Variants in RNF150 observed in about 807,000 individuals in gnomAD.
RNF150 encodes ring finger protein 150.
In RNF150, 24 loss-of-function variants were observed where a neutral mutation model predicts 39.3. That is an observed-to-expected ratio of 0.61 (90% CI 0.44 to 0.86). The LOEUF is 0.86. Ranked by LOEUF, RNF150 falls within the 40% of genes least tolerant of loss-of-function variation. RNF150 has a pLI of 0.00. For missense variants in RNF150, 502 were observed against 587.8 expected (o/e 0.85, Z 1.51); for synonymous variants, 255 against 227.3 (o/e 1.12, Z -1.10).
At chr4:141,049,263 C>T (rs1405743539) in intron 1 of RNF150, among the ~76,000 whole-genome samples, 7 of 135,058 alleles carry the variant, frequency 5.2e-5, no homozygotes. Context: ...CATTTGCCAA[C>T]AAAATAAAAA....
chr4:141,151,948 T>C (rs1007933815), intron 1 of RNF150, among the ~76,000 whole-genome samples: 1 of 152,180 alleles, frequency 6.6e-6, no homozygotes, highest in South Asian at 2.1e-4. Flanking sequence ...TATTTAATTT[T>C]TGGAAAAATT....
chr4:141,148,336 A>G (rs889664846), intron 1 of RNF150, among the ~76,000 whole-genome samples: 1 of 152,234 alleles, frequency 6.6e-6, no homozygotes, highest in African/African-American at 2.4e-5. Flanking sequence ...GAAAACTCTC[A>G]TGTAAGCATT....
rs1489340063 is a variant in RNF150, at chr4:140,861,634, T to A, written c.*6627A>T. The A allele has an allele frequency of 1.3e-5, 2 of 152,242 alleles. No homozygotes were observed. Among genetic ancestry groups the A allele is most frequent in the African/African-American group, 4.8e-5 (2 of 41,470 alleles). The allele number at this position is 152,242 out of a possible 1,614,324, so 9.4% of individuals were successfully genotyped here. ...ATTCAGACCGAAAAGTCCATGTATG[T>A]GTTAGTTCTTCAACTGCTCTACTAT... On this transcript the variant is annotated 3_prime_UTR_variant, in exon 7 of 7. Transcript: ENST00000515673.
At chr4:141,127,293 G>T (rs1274571545) in intron 1 of RNF150, among the ~76,000 whole-genome samples, 4 of 152,164 alleles carry the variant, frequency 2.6e-5, no homozygotes, top group African/African-American at 7.2e-5. Flanking sequence ...CTTAGAACAT[G>T]CCTGGCACAG....
At chr4:140,967,342 A>C (rs1733284538) in intron 2 of RNF150, among the ~76,000 whole-genome samples, 1 of 152,128 alleles carries the variant, frequency 6.6e-6, no homozygotes, top group African/African-American at 2.4e-5. Context: ...TCACACTATT[A>C]GCACTTCCTT....
chr4:140,874,345 G>C (rs997729503), intron 6 of RNF150, among the ~76,000 whole-genome samples: 16 of 152,060 alleles, frequency 1.1e-4, no homozygotes, highest in African/African-American at 3.9e-4. Flanking sequence ...GGTATATCCA[G>C]GGCCTTTATC....
At position 140,936,234 on chromosome 4, in the gene RNF150, C is replaced by G. The variant is rs1013793515; in HGVS notation, c.891-10161G>C. On this transcript the variant is annotated intron_variant, in intron 4 of 6. Coordinates refer to ENST00000515673, the MANE Select transcript of RNF150 (RefSeq NM_020724.2). ...TTTTTGGCTATTATGGCTAAATGTG[C>G]TATGGCCACTCTTGCATCAGTCTTT... 2.6e-5 allele frequency among the ~76,000 whole-genome samples: 4 copies of G among 152,108 alleles called. No individual in the cohort carries two copies. The South Asian group carries it at 6.2e-4, about 24-fold the overall frequency.
chr4:141,193,868 A>G (rs1431312753), intron 1 of RNF150, among the ~76,000 whole-genome samples: 1 of 152,148 alleles, frequency 6.6e-6, no homozygotes, highest in Admixed American at 6.5e-5. Context: ...CCAATTTCCC[A>G]CTACTGTTTA....
chr4:141,026,574 T>C (rs1479486233), intron 1 of RNF150, among the ~76,000 whole-genome samples: 1 of 152,194 alleles, frequency 6.6e-6, no homozygotes, highest in East Asian at 1.9e-4. Flanking sequence ...AGGTAAATAC[T>C]AGGATGAACA....
At position 141,103,083 on chromosome 4, in the gene RNF150, G is replaced by A. The variant is rs574268200; in HGVS notation, c.484+29242C>T. On this transcript the variant is annotated intron_variant, in intron 1 of 6. Transcript: ENST00000515673. ...GGAAATGAAAGCATAGCCTCTCCCC[G>A]TAACTGTGTAGGCTCCATCAGTTGT... is the stretch of plus-strand genomic sequence containing the variant. Among the ~76,000 whole-genome samples the A allele has an allele frequency of 4.6e-5, 7 of 152,224 alleles. No homozygotes were observed. The South Asian group carries it at 6.2e-4, about 14-fold the overall frequency.
chr4:141,212,780 T>A (rs889158443), intron 1 of RNF150: 1 of 152,606 alleles, frequency 6.6e-6, no homozygotes, highest in African/African-American at 2.4e-5. Flanking sequence ...AGAAAAGAGG[T>A]TTAATTGACT....
intron 1 of RNF150, among the ~76,000 whole-genome samples, chr4:141,010,669 A>G (rs1735042597): frequency 1.3e-5 from 2 of 152,054 alleles, no homozygotes; most frequent in Non-Finnish European, 2.9e-5. Context: ...GGACTGCGTG[A>G]GCATGTGTGG....
At chr4:140,881,714 A>C (rs563865245) in intron 6 of RNF150, among the ~76,000 whole-genome samples, 1 of 152,074 alleles carries the variant, frequency 6.6e-6, no homozygotes, top group South Asian at 2.1e-4. Context: ...GTCTCTATGA[A>C]AAACCAAACA....
chr4:140,955,489 T>C (rs1432570273), intron 2 of RNF150, among the ~76,000 whole-genome samples: 1 of 152,192 alleles, frequency 6.6e-6, no homozygotes, highest in Non-Finnish European at 1.5e-5. Context: ...ATTAATAACA[T>C]AAGGTATGTA....
At chr4:141,201,719 C>T (rs578247013) in intron 1 of RNF150, among the ~76,000 whole-genome samples, 1 of 152,076 alleles carries the variant, frequency 6.6e-6, no homozygotes, top group African/African-American at 2.4e-5. Context: ...TCTTTCTCAT[C>T]CTTTCTATAT....
intron 1 of RNF150, among the ~76,000 whole-genome samples, chr4:141,084,856 C>T (rs1273102724): frequency 2.0e-5 from 3 of 152,198 alleles, no homozygotes; most frequent in South Asian, 2.1e-4. Flanking sequence ...GTGACAAAGA[C>T]ATTCTTCCCA....
chr4:141,146,581 A>T (rs1313557317), intron 1 of RNF150, among the ~76,000 whole-genome samples: 1 of 3,610 alleles, frequency 2.8e-4, no homozygotes, highest in Admixed American at 7.2e-3. Context: ...TATCAGCAAT[A>T]TGTCTCAGAA....
Position 140,860,144 on chromosome 4 carries a change from T to A in RNF150, c.*8117A>T, listed in dbSNP as rs1301198194. 2 of 151,918 alleles carry A rather than the reference T, an allele frequency of 1.3e-5. No individual in the cohort carries two copies. The highest frequency in any genetic ancestry group is 3.8e-4 in the East Asian group (2 of 5,198). 9.4% of individuals were successfully genotyped at this position (151,918 alleles called of 1,614,324 possible). ...TCCTTTAAAGACAGTTACTTTTTTT[T>A]TTTTTTCAATTTCTTTGTATTTCAA... On this transcript the variant is annotated 3_prime_UTR_variant, in exon 7 of 7. Coordinates refer to ENST00000515673, the MANE Select transcript of RNF150 (RefSeq NM_020724.2).
At chr4:141,036,755 T>C (rs183580783) in intron 1 of RNF150, among the ~76,000 whole-genome samples, 1 of 152,268 alleles carries the variant, frequency 6.6e-6, no homozygotes, top group Admixed American at 6.5e-5. Context: ...TATGTAAAAA[T>C]TGTTGATATA....
Sources: allele counts gnomAD v4.1 joint callset (sites outside exome capture counted in the v4.1 genomes callset), GRCh38; gene constraint gnomAD v4.1.1; transcripts MANE v1.5; gene names NCBI Gene and HGNC (gene_info 2026-07-23, HGNC 2026-07-21).